Variants in CDC42BPB observed in about 807,000 individuals in gnomAD.
CDC42BPB encodes the protein serine/threonine-protein kinase MRCK beta.
In CDC42BPB, 37 loss-of-function variants were observed where a neutral mutation model predicts 214.9. That is an observed-to-expected ratio of 0.17 (90% CI 0.13 to 0.23). The LOEUF (loss-of-function observed/expected upper bound fraction) is 0.23, where lower values mean the gene tolerates loss of function less well. CDC42BPB is among the 10% of genes least tolerant of loss of function. CDC42BPB has a pLI of 1.00. For missense variants in CDC42BPB, 1,694 were observed against 2,227.0 expected, an observed-to-expected ratio of 0.76 and a Z score of 4.82; for synonymous variants, 931 against 884.0, an observed-to-expected ratio of 1.05 and a Z score of -0.94.
rs776328032 is a variant in CDC42BPB at position 102,974,052 on chromosome 14, G to T, written c.1605C>A (p.His535Gln). 2.0e-5 allele frequency: 32 copies of T among 1,613,614 alleles called. No homozygotes were observed. Among genetic ancestry groups the T allele is most frequent in the Non-Finnish European group, 2.2e-5 (26 of 1,179,720 alleles). ...CCTCCTTCTCCTGCCGGACCACGCG[G>T]TGCTGCTTCTCCAGCCCCCGCAGCC... ...TQRLRGLEKQ[H>Q]RVVRQEKEEL... The change falls in exon 12 of 37, where the codon CAC becomes CAA. Residue 535 changes from histidine (H) to glutamine (Q), a missense_variant. His to Gln is a conservative substitution (Grantham distance 24, BLOSUM62 0). Transcript: ENST00000361246.
At chr14:103,008,795 T>G in intron 2 of CDC42BPB, 1 of 488,104 alleles carries the variant, frequency 2.0e-6, no homozygotes, top group Non-Finnish European at 2.7e-6. Flanking sequence ...CCTTTATGGC[T>G]CGGGTTCCAC....
At chr14:102,945,363 T>G (rs1360207142) in intron 29 of CDC42BPB, 1 of 517,598 alleles carries the variant, frequency 1.9e-6, no homozygotes, top group African/African-American at 1.9e-5. Flanking sequence ...AACTAAAGCT[T>G]CTCAAGTGAA....
intron 1 of CDC42BPB, among the ~76,000 whole-genome samples, chr14:103,037,554 A>G (rs908807065): frequency 6.6e-6 from 1 of 152,222 alleles, no homozygotes; most frequent in Non-Finnish European, 1.5e-5. Context: ...TACTTGCCAA[A>G]TGTACCTTTT....
At chr14:103,026,943 G>C (rs543415900) in intron 1 of CDC42BPB, among the ~76,000 whole-genome samples, 7 of 151,024 alleles carry the variant, frequency 4.6e-5, no homozygotes, top group African/African-American at 1.7e-4. Context: ...TCTGATAAGG[G>C]ACTTACATCC....
Position 102,943,313 on chromosome 14 carries a change from C to A in CDC42BPB, c.4408+578G>T, listed in dbSNP as rs1891985967. 6.6e-6 allele frequency among the ~76,000 whole-genome samples: 1 copy of A among 152,202 alleles called. No individual in the cohort carries two copies. The highest frequency in any genetic ancestry group is 2.4e-5 in the African/African-American group (1 of 41,452). On this transcript the variant is annotated intron_variant, in intron 30 of 36. Transcript: ENST00000361246. The surrounding 1 kb of genome is among the most constrained non-coding windows in gnomAD (Gnocchi z 4.6). ...AAAAGCAATCGGACAGCGGGCCAGT[C>A]GGGAAGTGTCCACTGGTCCTACCTG...
At position 102,972,032 on chromosome 14, in the gene CDC42BPB, T is replaced by G. The variant is rs1893496402; in HGVS notation, c.1771A>C (p.Lys591Gln). Residue 591 changes from lysine (K) to glutamine (Q), a missense_variant, in exon 13 of 37, where the codon AAG (lysine) becomes CAG (glutamine). Lys to Gln is a moderately conservative substitution (Grantham distance 53). Transcript: ENST00000361246. ...NERMAELRAQ[K>Q]QKVSRQLRDK... ...CGCAGCTGCCGGGACACCTTCTGCT[T>G]CTGGGCACGGAGCTCTGCCATGCGC... 1 of 1,614,122 alleles carries G rather than the reference T, an allele frequency of 6.2e-7. No homozygotes were observed.
Position 103,012,037 on chromosome 14 carries a change from A to G in CDC42BPB, c.267+60T>C. The G allele has an allele frequency of 2.9e-6, 3 of 1,049,414 alleles. No individual in the cohort carries two copies. In the Admixed American group the frequency reaches 5.1e-5, roughly 18 times the overall value. The allele number at this position is 1,049,414 out of a possible 1,614,324, so 65.0% of individuals were successfully genotyped here. The stretch of plus-strand genomic sequence containing the variant: ...ATGTATAGGTGCACAAAAAGGTGAA[A>G]TGGAAGCTGCTGATGTTTTGGCAAT... On this transcript the variant is annotated intron_variant, in intron 2 of 36. Coordinates refer to ENST00000361246, the MANE Select transcript of CDC42BPB (RefSeq NM_006035.4).
intron 1 of CDC42BPB, among the ~76,000 whole-genome samples, chr14:103,032,717 C>CT (rs760235334): frequency 6.9e-6 from 1 of 145,910 alleles, no homozygotes; most frequent in South Asian, 2.1e-4. Flanking sequence ...ATTGCGACCT[C>CT]TGCCTCCCGG....
chr14:102,971,962 G>A lies in CDC42BPB; in HGVS notation c.1841C>T (p.Ala614Val). The change falls in exon 13 of 37, where the codon GCC becomes GTC. Residue 614 changes from alanine to valine, a missense_variant. Around this residue, in one of 7 missense-constraint regions of CDC42BPB, gnomAD observed 462 missense variants for 513.5 expected, o/e 0.90. Transcript: ENST00000361246. ...EMEVATQKVDAMRQEMRRAEK... is the reference protein window; with the variant it reads ...EMEVATQKVDVMRQEMRRAEK... ...AGCTCTCCGCATTTCCTGCCGCATG[G>A]CGTCCACCTTCTGCGTGGCCACCTC... 6.2e-7 allele frequency: 1 copy of A among 1,614,198 alleles called. No homozygotes were observed. Among genetic ancestry groups the A allele is most frequent in the Non-Finnish European group, 8.5e-7 (1 of 1,180,044 alleles).
chr14:102,947,572 G>T, intron 27 of CDC42BPB, 149 bp downstream of exon 27: 1 of 713,064 alleles, frequency 1.4e-6, no homozygotes, highest in East Asian at 2.6e-5. Flanking sequence ...GGCCAGGACG[G>T]GACGCACAAG....
In CDC42BPB at chr14:102,940,302, C is replaced by T. The variant is rs371009644; in HGVS notation, c.4431G>A (p.Thr1477=). 8.1e-5 allele frequency: 128 copies of T among 1,578,728 alleles called. No homozygotes were observed. Among genetic ancestry groups the T allele is most frequent in the Admixed American group, 2.0e-4 (11 of 54,164 alleles). ...VACSCSPTHV[T]VYSEYGVDVF... ...CGTCCACGCCATACTCGCTGTACAC[C>T]GTGACGTGGGTGGGGCTGCAACCTA... The change falls in exon 31 of 37, where the codon ACG becomes ACA. Residue 1477 remains threonine, a synonymous_variant. Transcript: ENST00000361246.
Position 102,954,657 on chromosome 14 carries a change from G to A in CDC42BPB, c.2933C>T (p.Ala978Val). Residue 978 changes from alanine to valine, a missense_variant, in exon 22 of 37, where the codon GCT becomes GTT. Ala to Val is a moderately conservative substitution (Grantham distance 64). Transcript: ENST00000361246. ...CGACGGGGACGCTTCTGGCTTCGGA[G>A]CTTGTGTTTCTTGCTCACTAGCTGA... is the stretch of plus-strand genomic sequence containing the variant. Reference protein sequence around the residue: ...TSSASEQETQAPKPEASPSMS... With the variant: ...TSSASEQETQVPKPEASPSMS... 1 of 1,613,994 alleles carries A rather than the reference G, an allele frequency of 6.2e-7. No homozygotes were observed. The highest frequency in any genetic ancestry group is 8.5e-7 in the Non-Finnish European group (1 of 1,179,928).
chr14:102,964,015 A>C (rs201282923), intron 19 of CDC42BPB, among the ~76,000 whole-genome samples: 1 of 152,172 alleles, frequency 6.6e-6, no homozygotes, highest in African/African-American at 2.4e-5. Context: ...TACTGACTGA[A>C]TCACTGCTGT....
chr14:102,939,182 G>A lies in CDC42BPB; in HGVS notation c.4827+428C>T, dbSNP rs1290978194. Among the ~76,000 whole-genome samples, 4 of 151,272 alleles carry A rather than the reference G, an allele frequency of 2.6e-5. No homozygotes were observed. The South Asian group carries it at 6.3e-4, about 24-fold the overall frequency. ...TCTCGATCTCCTGACCTCGTGATCC[G>A]CCCGCCTCGGCCTCCCAAAGTGCTG... On this transcript the variant is annotated intron_variant, in intron 34 of 36. Transcript: ENST00000361246.
intron 3 of CDC42BPB, among the ~76,000 whole-genome samples, chr14:103,007,324 G>C (rs1159471774): frequency 6.6e-6 from 1 of 152,190 alleles, no homozygotes; most frequent in African/African-American, 2.4e-5. Context: ...CAGAATGACT[G>C]AGTCACGAGG....
At chr14:103,012,428 C>G (rs1365497116) in intron 1 of CDC42BPB, 2 of 203,094 alleles carry the variant, frequency 9.8e-6, no homozygotes, top group African/African-American at 4.7e-5. Flanking sequence ...AACACTGTTG[C>G]AGCCGACGAC....
intron 30 of CDC42BPB, 129 bp from the exon 31 acceptor site, chr14:102,940,453 T>C: frequency 2.0e-6 from 3 of 1,485,820 alleles, no homozygotes; most frequent in Non-Finnish European, 2.7e-6. Context: ...CTGGTTCACG[T>C]CACCAAAGAC....
At chr14:102,959,035 G>A (rs572139004) in intron 21 of CDC42BPB, among the ~76,000 whole-genome samples, 2 of 149,456 alleles carry the variant, frequency 1.3e-5, no homozygotes, top group African/African-American at 2.4e-5. Context: ...GGTGGCTCAC[G>A]CCTGTAATCC....
At chr14:102,973,036 C>T (rs1044435795) in intron 12 of CDC42BPB, among the ~76,000 whole-genome samples, 29 of 152,232 alleles carry the variant, frequency 1.9e-4, no homozygotes, top group African/African-American at 5.5e-4. Flanking sequence ...CCCTGACCTC[C>T]CTGCAGCCAA....
Sources: gnomAD v4.1 joint callset for allele counts (sites outside exome capture counted in the v4.1 genomes callset) on GRCh38, gnomAD v4.1.1 for gene constraint, gnomAD v4.1.1 regional missense constraint, Gnocchi (gnomAD v3.1) non-coding constraint, MANE v1.5 for transcripts, NCBI Gene and HGNC (gene_info 2026-07-23, HGNC 2026-07-21) for gene names.